PPFIA2: variants seen among roughly 807,000 people sequenced by gnomAD.
PPFIA2 encodes the protein liprin-alpha-2.
In PPFIA2, 46 loss-of-function variants were observed where a neutral mutation model predicts 175.5. The ratio of observed to expected loss-of-function variants is 0.26; its 90% confidence interval spans 0.21 to 0.34. The LOEUF (loss-of-function observed/expected upper bound fraction) is 0.34, where lower values mean the gene tolerates loss of function less well. Ranked by LOEUF, PPFIA2 falls within the 10% of genes least tolerant of loss-of-function variation. The pLI, the probability that PPFIA2 is intolerant of heterozygous loss-of-function variation, is 1.00. For missense variants in PPFIA2, 1,179 were observed against 1,506.1 expected, an observed-to-expected ratio of 0.78 and a Z score of 3.60; for synonymous variants, 568 against 511.4, an observed-to-expected ratio of 1.11 and a Z score of -1.49.
intron 4 of PPFIA2, among the ~76,000 whole-genome samples, chr12:81,661,025 A>C (rs1438141086): frequency 2.0e-5 from 3 of 152,182 alleles, no homozygotes; most frequent in Admixed American, 6.5e-5. Flanking sequence ...CCAGGCCTGC[A>C]CTAAAAGAGC....
intron 4 of PPFIA2, among the ~76,000 whole-genome samples, chr12:81,472,077 C>T (rs2056826938): frequency 6.6e-6 from 1 of 151,976 alleles, no homozygotes; most frequent in South Asian, 2.1e-4. Context: ...GAAAAATATG[C>T]TAAGTTAAAG....
At chr12:81,392,891 T>C (rs1749797509) in intron 8 of PPFIA2, among the ~76,000 whole-genome samples, 1 of 152,010 alleles carries the variant, frequency 6.6e-6, no homozygotes, top group South Asian at 2.1e-4. Flanking sequence ...TTTTCTCCCA[T>C]CTTTTATACA....
In PPFIA2 at chr12:81,676,861, T is replaced by G. The variant is rs781039947; in HGVS notation, c.250-17A>C. 4 of 1,571,026 alleles carry G rather than the reference T, an allele frequency of 2.5e-6. No homozygotes were observed. In the South Asian group the frequency reaches 4.7e-5, roughly 19 times the overall value. On this transcript the variant is annotated splice_polypyrimidine_tract_variant and intron_variant, in intron 3 of 32. Transcript: ENST00000549396. ...TTCGATATCCTGAAAAGGGGAGAGG[T>G]GTTGATTGTAAAGTGCTACTCAACA... is the stretch of plus-strand genomic sequence containing the variant.
At position 81,699,670 on chromosome 12, in the gene PPFIA2, G is replaced by T. The variant is rs1176053626; in HGVS notation, c.250-22826C>A. Among the ~76,000 whole-genome samples the T allele has an allele frequency of 4.6e-5, 7 of 151,834 alleles. No homozygotes were observed. In the East Asian group the frequency reaches 1.4e-3, roughly 29 times the overall value. ...CTAAGATTATGCCATAAACCTAAAT[G>T]TTTGCTTTTAGTGGATTTCATCACC... On this transcript the variant is annotated intron_variant, in intron 3 of 32. Transcript: ENST00000549396.
chr12:81,502,538 C>T (rs1056942815), intron 4 of PPFIA2, among the ~76,000 whole-genome samples: 2 of 152,114 alleles, frequency 1.3e-5, no homozygotes, highest in African/African-American at 4.8e-5. Flanking sequence ...GTGCAACTAA[C>T]TTTAAGGGAA....
intron 3 of PPFIA2, among the ~76,000 whole-genome samples, chr12:81,694,517 G>T (rs1293471379): frequency 6.6e-6 from 1 of 152,202 alleles, no homozygotes; most frequent in East Asian, 1.9e-4. Context: ...GAGTACAGGA[G>T]TGAATGAGGT....
intron 4 of PPFIA2, among the ~76,000 whole-genome samples, chr12:81,553,226 G>A (rs2068242841): frequency 6.6e-6 from 1 of 151,868 alleles, no homozygotes; most frequent in East Asian, 1.9e-4. Flanking sequence ...ATAAATTGAA[G>A]CATTCTAAGC....
intron 22 of PPFIA2, among the ~76,000 whole-genome samples, chr12:81,314,630 C>T (rs952025216): frequency 6.6e-6 from 1 of 151,848 alleles, no homozygotes; most frequent in Non-Finnish European, 1.5e-5. Context: ...AGTTTCCTCA[C>T]CTTGATCTTC....
chr12:81,330,164 G>T (rs117570867), intron 21 of PPFIA2, among the ~76,000 whole-genome samples: 3,051 of 151,346 alleles, frequency 0.02, 58 homozygotes, highest in Non-Finnish European at 0.029. Flanking sequence ...ATGAACAGAG[G>T]ATTCTCATGC....
intron 28 of PPFIA2, among the ~76,000 whole-genome samples, chr12:81,272,146 G>T (rs2039299866): frequency 6.6e-6 from 1 of 152,062 alleles, no homozygotes; most frequent in South Asian, 2.1e-4. Context: ...AGATTTTGGG[G>T]TGTGGGAAAT....
chr12:81,614,360 A>C (rs956091835), intron 4 of PPFIA2, among the ~76,000 whole-genome samples: 2 of 152,218 alleles, frequency 1.3e-5, no homozygotes, highest in African/African-American at 4.8e-5. Flanking sequence ...AGATGAGAAG[A>C]AAAGAAGAAT....
At chr12:81,646,406 T>C (rs770392824) in intron 4 of PPFIA2, among the ~76,000 whole-genome samples, 2 of 152,112 alleles carry the variant, frequency 1.3e-5, no homozygotes, top group African/African-American at 4.8e-5. Flanking sequence ...AGCATAAGAC[T>C]GGGGCTGGAG....
intron 3 of PPFIA2, among the ~76,000 whole-genome samples, chr12:81,706,002 T>C (rs1401402607): frequency 2.6e-5 from 4 of 152,204 alleles, no homozygotes; most frequent in Admixed American, 6.5e-5. Flanking sequence ...AAATATACTA[T>C]TAAAAGTATT....
rs184333368 is a variant in PPFIA2, at chr12:81,732,333, G to A, written c.249+21640C>T. On this transcript the variant is annotated intron_variant, in intron 3 of 32. Coordinates refer to ENST00000549396, the MANE Select transcript of PPFIA2 (RefSeq NM_003625.5). ...GACTGGATTTTGCAGTAAAAATACC[G>A]CATAAAAGTTTTTAATAATAAATAA... 1.1e-3 allele frequency among the ~76,000 whole-genome samples: 160 copies of A among 151,412 alleles called. 2 individuals carry two copies. The highest frequency in any genetic ancestry group is 3.3e-3 in the African/African-American group (135 of 41,426).
chr12:81,604,067 T>C (rs1345584517), intron 4 of PPFIA2, among the ~76,000 whole-genome samples: 1 of 151,670 alleles, frequency 6.6e-6, no homozygotes, highest in African/African-American at 2.4e-5. Context: ...GAGAGGTAGT[T>C]AAGTAGCAAA....
At chr12:81,432,617 C>T (rs139759773) in intron 7 of PPFIA2, among the ~76,000 whole-genome samples, 1,692 of 152,016 alleles carry the variant, frequency 0.011, 15 homozygotes, top group Middle Eastern at 0.024. Flanking sequence ...AGGCACGCAC[C>T]ACCATGCCCA....
At chr12:81,381,502 T>C (rs571026122) in intron 9 of PPFIA2, among the ~76,000 whole-genome samples, 1 of 152,134 alleles carries the variant, frequency 6.6e-6, no homozygotes, top group African/African-American at 2.4e-5. Context: ...AGTACTAAGA[T>C]GAAAGGAAAT....
chr12:81,755,067 T>C (rs1389034132), intron 2 of PPFIA2, among the ~76,000 whole-genome samples: 1 of 152,244 alleles, frequency 6.6e-6, no homozygotes, highest in East Asian at 1.9e-4. Context: ...ACTAGCACTC[T>C]TTCAAATATT....
Position 81,480,290 on chromosome 12 carries a change from G to A in PPFIA2, c.304-22424C>T, listed in dbSNP as rs148277150. Among the ~76,000 whole-genome samples the A allele has an allele frequency of 9.1e-4, 138 of 151,860 alleles. 2 individuals are homozygous for A. The East Asian group carries it at 0.021, about 23-fold the overall frequency. On this transcript the variant is annotated intron_variant, in intron 4 of 32. Coordinates refer to ENST00000549396, the MANE Select transcript of PPFIA2 (RefSeq NM_003625.5). The stretch of plus-strand genomic sequence containing the variant: ...ATTTATGTTCTTCTCTAAACTGGTC[G>A]TTTTAGTTAGCAATTCCTCTAACCT...
Sources: allele counts gnomAD v4.1 joint callset (sites outside exome capture counted in the v4.1 genomes callset), GRCh38; gene constraint gnomAD v4.1.1; transcripts MANE v1.5; gene names NCBI Gene and HGNC (gene_info 2026-07-23, HGNC 2026-07-21).